ATXN2: variants seen among roughly 807,000 people sequenced by gnomAD.
ATXN2 encodes ataxin 2.
ATXN2 carries 37 observed loss-of-function variants against 138.6 expected under a neutral mutation model. That is an observed-to-expected ratio of 0.27 (90% confidence interval 0.21 to 0.35). The LOEUF (loss-of-function observed/expected upper bound fraction) is 0.35, where lower values mean the gene tolerates loss of function less well. ATXN2 is among the 10% of genes least tolerant of loss of function. The pLI is 1.00. For synonymous variants in ATXN2, 549 were observed against 543.7 expected, an observed-to-expected ratio of 1.01 and a Z score of -0.13; for missense variants, 1,216 against 1,480.3, an observed-to-expected ratio of 0.82 and a Z score of 2.93.
chr12:111,544,090 A>G (rs1173968753), intron 5 of ATXN2, among the ~76,000 whole-genome samples: 2 of 152,120 alleles, frequency 1.3e-5, no homozygotes, highest in Non-Finnish European at 2.9e-5. Flanking sequence ...AAAAAAAAGA[A>G]AAAAAATTAA....
chr12:111,474,457 A>G (rs1228354363), intron 18 of ATXN2, among the ~76,000 whole-genome samples: 1 of 152,072 alleles, frequency 6.6e-6, no homozygotes, highest in Non-Finnish European at 1.5e-5. Context: ...CAAGAAAAGA[A>G]AAGCTGGCAA....
At position 111,598,663 on chromosome 12, in the gene ATXN2, G is replaced by T; in HGVS notation, c.251+121C>A. On this transcript the variant is annotated intron_variant, in intron 1 of 24. Coordinates refer to ENST00000673436, the MANE Select transcript of ATXN2 (RefSeq NM_001372574.1). The surrounding 1 kb of genome is among the most constrained non-coding windows in gnomAD (Gnocchi z 4.5). Reference sequence around the variant, plus strand: ...TCAGGCCCGAGCGAGTCTCCCCCGCGCTGCCGGCCCCCAGCCCACCCCGGG... The same window carrying T: ...TCAGGCCCGAGCGAGTCTCCCCCGCTCTGCCGGCCCCCAGCCCACCCCGGG... The T allele has an allele frequency of 2.2e-6, 2 of 890,814 alleles. No individual in the cohort carries two copies. Among genetic ancestry groups the T allele is most frequent in the African/African-American group, 1.8e-5 (1 of 55,546 alleles). 55.2% of individuals were successfully genotyped at this position (890,814 alleles called of 1,614,324 possible).
Position 111,554,785 on chromosome 12 carries a change from G to A in ATXN2, c.289-568C>T, listed in dbSNP as rs1044674695. On this transcript the variant is annotated intron_variant, in intron 2 of 24. Coordinates refer to ENST00000673436, the MANE Select transcript of ATXN2 (RefSeq NM_001372574.1). ...GATTGTGGTGGTAGTTACACTGATT[G>A]TATGCAATTGTTAAAACTCACAGAA... 6.6e-5 allele frequency among the ~76,000 whole-genome samples: 10 copies of A among 152,170 alleles called. 1 individual carries two copies. Among genetic ancestry groups the A allele is most frequent in the African/African-American group, 2.4e-4 (10 of 41,428 alleles).
Position 111,594,342 on chromosome 12 carries a change from AT to A in ATXN2, c.251+4441del, listed in dbSNP as rs879733716. ...GAACAACTACATTAAATCACAGCAC[AT>A]TTTTTTTTTTTTTGAGATAGAGTCT... On this transcript the variant is annotated intron_variant, in intron 1 of 24. Transcript: ENST00000673436. 8.7e-3 allele frequency among the ~76,000 whole-genome samples: 1,258 copies of A among 145,346 alleles called. 7 individuals carry two copies. Among genetic ancestry groups the A allele is most frequent in the Middle Eastern group, 0.049 (14 of 284 alleles).
Position 111,487,935 on chromosome 12 carries a change from C to G in ATXN2, c.2240+541G>C, listed in dbSNP as rs562646943. Among the ~76,000 whole-genome samples the G allele has an allele frequency of 2.0e-5, 3 of 152,134 alleles. No homozygotes were observed. The South Asian group carries it at 6.2e-4, about 31-fold the overall frequency. On this transcript the variant is annotated intron_variant, in intron 15 of 24. Coordinates refer to ENST00000673436, the MANE Select transcript of ATXN2 (RefSeq NM_001372574.1). ...ACTGGATTGTTTGGTACCCAAACAC[C>G]TAAGTCAATGGTAGTTAAGTTCTGA...
intron 14 of ATXN2, among the ~76,000 whole-genome samples, chr12:111,500,008 T>C (rs1566026619): frequency 6.6e-6 from 1 of 152,234 alleles, no homozygotes. Context: ...CACACACTGT[T>C]GGTGGACATG....
Position 111,516,467 on chromosome 12 carries a change from C to A in ATXN2, c.1166-104G>T. On this transcript the variant is annotated intron_variant, in intron 9 of 24. Coordinates refer to ENST00000673436, the MANE Select transcript of ATXN2 (RefSeq NM_001372574.1). This position sits in a 1 kb window ranked among gnomAD's most constrained non-coding sequence, Gnocchi z 5.0. ...AAAATGACAAAAATGATTTCTTGTA[C>A]ATTTTAACCCTTTGAGGACAGTCAT... 9.1e-7 allele frequency: 1 copy of A among 1,094,134 alleles called. No individual in the cohort carries two copies. The highest frequency in any genetic ancestry group is 2.6e-5 in the Admixed American group (1 of 37,836). The allele number at this position is 1,094,134 out of a possible 1,614,324, so 67.8% of individuals were successfully genotyped here.
intron 9 of ATXN2, among the ~76,000 whole-genome samples, chr12:111,517,626 G>C (rs942137143): frequency 2.0e-5 from 3 of 152,108 alleles, no homozygotes; most frequent in African/African-American, 7.2e-5. Flanking sequence ...TAGAGGTAGA[G>C]TAAAAAATGT....
intron 18 of ATXN2, chr12:111,471,934 A>T (rs1047785239): frequency 2.6e-5 from 4 of 152,114 alleles, no homozygotes; most frequent in African/African-American, 9.7e-5. Context: ...TATTATTTAG[A>T]TATCATGTGT....
chr12:111,521,109 T>A (rs1024502747), intron 6 of ATXN2, 136 bp from the exon 7 acceptor site: 16 of 613,136 alleles, frequency 2.6e-5, no homozygotes, highest in Admixed American at 1.1e-4. Context: ...TAGGAAAAAA[T>A]TTCCTTAAAA....
At chr12:111,520,789 C>A in intron 7 of ATXN2, 93 bp downstream of exon 7, 1 of 691,640 alleles carries the variant, frequency 1.4e-6, no homozygotes. Context: ...AATTGTTTAA[C>A]TTAAAAACTA....
rs2135773365 is a variant in ATXN2 at position 111,543,246 on chromosome 12, C to T, written c.571+9034G>A. Among the ~76,000 whole-genome samples the T allele has an allele frequency of 1.3e-5, 2 of 152,264 alleles. 1 individual carries two copies. The highest frequency in any genetic ancestry group is 1.3e-4 in the Admixed American group (2 of 15,300). Reference sequence around the variant, plus strand: ...CGTAAACAGCTTTTCTAATGTCACGCCGTTCAGAAGAGATCCCTGTTTGTT... The same window carrying T: ...CGTAAACAGCTTTTCTAATGTCACGTCGTTCAGAAGAGATCCCTGTTTGTT... On this transcript the variant is annotated intron_variant, in intron 5 of 24. Coordinates refer to ENST00000673436, the MANE Select transcript of ATXN2 (RefSeq NM_001372574.1).
intron 2 of ATXN2, among the ~76,000 whole-genome samples, chr12:111,554,507 TTTTG>T (rs896074353): frequency 2.6e-5 from 4 of 152,206 alleles, no homozygotes; most frequent in African/African-American, 9.7e-5. Flanking sequence ...TAAGGGAAGA[TTTTG>T]TTTATTTAAT....
At chr12:111,492,709 C>T (rs1240600019) in intron 14 of ATXN2, among the ~76,000 whole-genome samples, 7 of 151,024 alleles carry the variant, frequency 4.6e-5, no homozygotes, top group Non-Finnish European at 7.4e-5. Context: ...AAAAAGAATG[C>T]GTACAAACAA....
chr12:111,505,871 G>C (rs536831433), intron 14 of ATXN2, among the ~76,000 whole-genome samples: 1 of 152,052 alleles, frequency 6.6e-6, no homozygotes, highest in Non-Finnish European at 1.5e-5. Flanking sequence ...AAGATAGGAC[G>C]AGAAAAAAAC....
chr12:111,516,406 A>G lies in ATXN2; in HGVS notation c.1166-43T>C, dbSNP rs1369849914. The G allele has an allele frequency of 6.7e-7, 1 of 1,484,650 alleles. No homozygotes were observed. Among genetic ancestry groups the G allele is most frequent in the East Asian group, 2.5e-5 (1 of 39,298 alleles). 92.0% of individuals were successfully genotyped at this position (1,484,650 alleles called of 1,614,324 possible). On this transcript the variant is annotated intron_variant, in intron 9 of 24. Transcript: ENST00000673436. The surrounding 1 kb of genome is among the most constrained non-coding windows in gnomAD (Gnocchi z 5.0). ...ATGAAGGAAAGTATAAAAACTAAAG[A>G]AAAAAATGAGGGAAAAAAGTAAACA...
At chr12:111,521,342 T>C (rs1880146165) in intron 6 of ATXN2, among the ~76,000 whole-genome samples, 1 of 152,218 alleles carries the variant, frequency 6.6e-6, no homozygotes. Context: ...CTCAGGTCTG[T>C]GGAGGACAGG....
intron 1 of ATXN2, among the ~76,000 whole-genome samples, chr12:111,569,970 A>G (rs1883221819): frequency 1.3e-5 from 2 of 152,218 alleles, no homozygotes; most frequent in Admixed American, 6.5e-5. Flanking sequence ...TATTGCAGCC[A>G]TTAGGCACAT....
In ATXN2 at chr12:111,481,514, T is replaced by G. The variant is rs183706909; in HGVS notation, c.2524+3751A>C. On this transcript the variant is annotated intron_variant, in intron 18 of 24. Coordinates refer to ENST00000673436, the MANE Select transcript of ATXN2 (RefSeq NM_001372574.1). ...ATAACCCAAACCAAAGACATATCGG[T>G]TATTTATGAGGATGTGGAGAAACTG... Among the ~76,000 whole-genome samples, 287 of 151,906 alleles carry G rather than the reference T, an allele frequency of 1.9e-3. 1 individual carries two copies. The highest frequency in any genetic ancestry group is 0.01 in the Middle Eastern group (3 of 294).
Sources: allele counts gnomAD v4.1 joint callset (sites outside exome capture counted in the v4.1 genomes callset), GRCh38; gene constraint gnomAD v4.1.1; non-coding constraint Gnocchi (gnomAD v3.1); transcripts MANE v1.5; gene names NCBI Gene and HGNC (gene_info 2026-07-23, HGNC 2026-07-21).